KNL1: variants seen among roughly 807,000 people sequenced by gnomAD.
KNL1 encodes kinetochore scaffold 1.
Under a neutral mutation model 201.3 loss-of-function variants are expected in KNL1, and 66 were observed. That is an observed-to-expected ratio of 0.33 (90% confidence interval 0.27 to 0.40). The LOEUF (loss-of-function observed/expected upper bound fraction) is 0.40, where lower values mean the gene tolerates loss of function less well. Ranked by LOEUF, KNL1 falls within the 10% of genes least tolerant of loss-of-function variation. The pLI is 1.00. For synonymous variants in KNL1, 895 were observed against 899.2 expected (o/e 1.00, Z 0.08); for missense variants, 2,815 against 2,690.5 (o/e 1.05, Z -1.02).
In KNL1 at chr15:40,659,271, A is replaced by G. The variant is rs539889999; in HGVS notation, c.6714-68A>G. On this transcript the variant is annotated intron_variant, in intron 24 of 25. Coordinates refer to ENST00000399668, the MANE Select transcript of KNL1 (RefSeq NM_144508.5). ...AGAGCAAGACTCCGTCTCAAAAAAA[A>G]AAAAAAAGAAATTGTGTTTCATGCT... 6.5e-5 allele frequency: 97 copies of G among 1,494,792 alleles called. 1 individual carries two copies. In the African/African-American group the frequency reaches 1.1e-3, roughly 18 times the overall value. The allele number at this position is 1,494,792 out of a possible 1,614,324, so 92.6% of individuals were successfully genotyped here.
chr15:40,605,322 T>G (rs1891937900), intron 3 of KNL1, among the ~76,000 whole-genome samples, 173 bp downstream of exon 3: 2 of 152,200 alleles, frequency 1.3e-5, no homozygotes, highest in African/African-American at 4.8e-5. Context: ...TATACCAAAA[T>G]TCATACTTTA....
At chr15:40,631,084 C>T (rs1420547760) in intron 13 of KNL1, among the ~76,000 whole-genome samples, 1 of 152,038 alleles carries the variant, frequency 6.6e-6, no homozygotes, top group African/African-American at 2.4e-5. Flanking sequence ...CACCACTGCA[C>T]TCCAGCCTAG....
At chr15:40,601,275 C>G (rs1892476351) in intron 1 of KNL1, among the ~76,000 whole-genome samples, 1 of 152,174 alleles carries the variant, frequency 6.6e-6, no homozygotes, top group South Asian at 2.1e-4. Context: ...CATCCCGAAA[C>G]CATCCCCCAT....
chr15:40,619,546 T>G (rs1468746797), intron 9 of KNL1, among the ~76,000 whole-genome samples: 1 of 150,790 alleles, frequency 6.6e-6, no homozygotes. Context: ...GGACTACAGG[T>G]GCATGCCACC....
At chr15:40,632,538 C>T (rs1264028227) in intron 13 of KNL1, among the ~76,000 whole-genome samples, 1 of 151,720 alleles carries the variant, frequency 6.6e-6, no homozygotes. Flanking sequence ...ACAGGCAGAA[C>T]TTGCAAGGAG....
Position 40,625,241 on chromosome 15 carries a change from CAA to C in KNL1, c.4978_4979del (p.Lys1660GlufsTer4). 6.2e-7 allele frequency: 1 copy of C among 1,613,976 alleles called. No homozygotes were observed. The highest frequency in any genetic ancestry group is 1.1e-5 in the South Asian group (1 of 91,070). On this transcript the variant is annotated frameshift_variant, in exon 10 of 26. Transcript: ENST00000399668. LOFTEE classifies it high-confidence loss of function. ...LGIFLPRLPN[K>X]RNCSVTGIDD... ...GAATCTTTTTGCCTAGATTGCCCAA[CAA>C]GAGAAATTGTAGTGTCACTGGTATT...
rs774908921 is a variant in KNL1, at chr15:40,622,534, A to T, written c.2270A>T (p.Glu757Val). 6.2e-6 allele frequency: 10 copies of T among 1,613,998 alleles called. No individual in the cohort carries two copies. Among genetic ancestry groups the T allele is most frequent in the Middle Eastern group, 3.3e-4 (2 of 6,060 alleles). Residue 757 changes from glutamate to valine, a missense_variant, in exon 10 of 26, where the codon GAG becomes GTG. By Grantham distance (121) the Glu-to-Val change is moderately radical. Around this residue, in one of 3 missense-constraint regions of KNL1, gnomAD observed 2,464 missense variants for 2,291.7 expected, o/e 1.08. Coordinates refer to ENST00000399668, the MANE Select transcript of KNL1 (RefSeq NM_144508.5). ...YCHDKMIICSEEEQNMDLTKS... is the reference protein window; with the variant it reads ...YCHDKMIICSVEEQNMDLTKS... ...CATGACAAGATGATTATATGTTCAG[A>T]GGAAGAGCAAAATATGGATCTAACA...
rs1161383525 is a variant in KNL1 at position 40,624,913 on chromosome 15, A to T, written c.4649A>T (p.Asn1550Ile). ...GEAPDPVITS[N>I]VPCFHSIKPN... The stretch of plus-strand genomic sequence containing the variant: ...GCACCAGATCCTGTAATTACATCTA[A>T]TGTTCCATGTTTTCATAGTATCAAA... The change falls in exon 10 of 26, where the codon AAT (asparagine) becomes ATT (isoleucine). Residue 1550 changes from asparagine (N) to isoleucine (I), a missense_variant. Asn to Ile is a moderately radical substitution (Grantham distance 149). Transcript: ENST00000399668. 6.2e-7 allele frequency: 1 copy of T among 1,613,228 alleles called. No individual in the cohort carries two copies. The highest frequency in any genetic ancestry group is 2.2e-5 in the East Asian group (1 of 44,860).
At position 40,625,449 on chromosome 15, in the gene KNL1, A is replaced by G. The variant is rs751549603; in HGVS notation, c.5185A>G (p.Ile1729Val). The G allele has an allele frequency of 5.0e-6, 8 of 1,613,982 alleles. No homozygotes were observed. Among genetic ancestry groups the G allele is most frequent in the Non-Finnish European group, 5.9e-6 (7 of 1,179,912 alleles). ...TGATGAGATCAATTCTTCAGACTCT[A>G]TTAACATAGAAACTGAGGAAAAGGC... ...YPDEINSSDS[I>V]NIETEEKALI... Residue 1729 changes from isoleucine (I) to valine (V), a missense_variant, in exon 10 of 26, where the codon ATT (isoleucine) becomes GTT (valine). Transcript: ENST00000399668.
At chr15:40,605,403 T>C (rs1167402585) in intron 3 of KNL1, among the ~76,000 whole-genome samples, 2 of 152,214 alleles carry the variant, frequency 1.3e-5, no homozygotes, top group Non-Finnish European at 1.5e-5. Flanking sequence ...TTAAAAGATA[T>C]GTTTAACCTG....
At chr15:40,629,181 A>G in intron 12 of KNL1, 92 bp from the exon 13 acceptor site, 1 of 666,308 alleles carries the variant, frequency 1.5e-6, no homozygotes, top group East Asian at 3.0e-5. Context: ...AAATGTATAC[A>G]AGATACCTTA....
At position 40,624,475 on chromosome 15, in the gene KNL1, T is replaced by A; in HGVS notation, c.4211T>A (p.Leu1404Ter). 1 of 1,613,844 alleles carries A rather than the reference T, an allele frequency of 6.2e-7. No individual in the cohort carries two copies. The highest frequency in any genetic ancestry group is 1.1e-5 in the South Asian group (1 of 91,084). The change falls in exon 10 of 26, where the codon TTA (leucine) becomes TAA (stop). Residue 1404 changes from leucine to a stop codon, truncating the protein, a stop_gained. Coordinates refer to ENST00000399668, the MANE Select transcript of KNL1 (RefSeq NM_144508.5). LOFTEE classifies it high-confidence loss of function. ...DPRNLLANQT[L>*]VYSQDLGEMT... ...CGAAATCTATTGGCTAATCAAACTT[T>A]AGTATATAGTCAAGATCTGGGGGAG...
At chr15:40,655,761 A>G (rs1177152729) in intron 22 of KNL1, among the ~76,000 whole-genome samples, 1 of 150,440 alleles carries the variant, frequency 6.6e-6, no homozygotes, top group Non-Finnish European at 1.5e-5. Flanking sequence ...AAAAAATACA[A>G]AAAAATTAGC....
Position 40,625,083 on chromosome 15 carries a change from A to T in KNL1, c.4819A>T (p.Asn1607Tyr). 6.2e-7 allele frequency: 1 copy of T among 1,613,764 alleles called. No individual in the cohort carries two copies. Among genetic ancestry groups the T allele is most frequent in the South Asian group, 1.1e-5 (1 of 91,050 alleles). The change falls in exon 10 of 26, where the codon AAT becomes TAT. Residue 1607 changes from asparagine to tyrosine, a missense_variant. Physicochemically the swap from Asn to Tyr is moderately radical, Grantham distance 143. Coordinates refer to ENST00000399668, the MANE Select transcript of KNL1 (RefSeq NM_144508.5). ...MHIVQATEIH[N>Y]INIISSNAKD... ...TATAGTGCAAGCTACAGAAATACAT[A>T]ATATTAACATAATCTCCAGCAATGC...
Position 40,623,686 on chromosome 15 carries a change from T to C in KNL1, c.3422T>C (p.Leu1141Pro), listed in dbSNP as rs750397322. The C allele has an allele frequency of 3.1e-6, 5 of 1,613,834 alleles. No individual in the cohort carries two copies. Among genetic ancestry groups the C allele is most frequent in the Middle Eastern group, 1.6e-4 (1 of 6,084 alleles). ...SHTTALECKT[L>P]LPNEIAIRPM... The stretch of plus-strand genomic sequence containing the variant: ...ACAACTGCCTTAGAATGTAAAACTC[T>C]CCTGCCAAATGAAATAGCTATTAGG... The change falls in exon 10 of 26, where the codon CTC (leucine) becomes CCC (proline). Residue 1141 changes from leucine (L) to proline (P), a missense_variant. Coordinates refer to ENST00000399668, the MANE Select transcript of KNL1 (RefSeq NM_144508.5).
At position 40,615,171 on chromosome 15, in the gene KNL1, G is replaced by A. The variant is rs141343859; in HGVS notation, c.285-170G>A. Among the ~76,000 whole-genome samples, 991 of 152,138 alleles carry A rather than the reference G, an allele frequency of 6.5e-3. 8 individuals are homozygous for A. Among genetic ancestry groups the A allele is most frequent in the African/African-American group, 0.022 (929 of 41,522 alleles). On this transcript the variant is annotated intron_variant, in intron 7 of 25. Coordinates refer to ENST00000399668, the MANE Select transcript of KNL1 (RefSeq NM_144508.5). ...TAGATGAGTCTTTTTTTAAAAAGATGTCTTTATAATTTTCTGCATTAGATG... is the reference window on the plus strand; with the variant it reads ...TAGATGAGTCTTTTTTTAAAAAGATATCTTTATAATTTTCTGCATTAGATG...
chr15:40,629,282 G>A lies in KNL1; in HGVS notation c.5593G>A (p.Asp1865Asn). 6.3e-7 allele frequency: 1 copy of A among 1,581,460 alleles called. No homozygotes were observed. The highest frequency in any genetic ancestry group is 2.3e-5 in the East Asian group (1 of 43,604). ...CEESLREKLQ[D>N]GRITIREFFI... ...TTTTTTCTTTTCTCAGAAACTCCAA[G>A]ATGGGAGAATAACAATAAGGGAGTT... Residue 1865 changes from aspartate to asparagine, a missense_variant, in exon 13 of 26, where the codon GAT becomes AAT. Asp to Asn is a conservative substitution (Grantham distance 23, BLOSUM62 1). Around this residue, in one of 3 missense-constraint regions of KNL1, gnomAD observed 2,464 missense variants for 2,291.7 expected, o/e 1.08. Coordinates refer to ENST00000399668, the MANE Select transcript of KNL1 (RefSeq NM_144508.5).
At chr15:40,609,993 C>G (rs1053047067) in intron 5 of KNL1, among the ~76,000 whole-genome samples, 3 of 152,062 alleles carry the variant, frequency 2.0e-5, no homozygotes, top group African/African-American at 7.2e-5. Flanking sequence ...GAGCTGTGAT[C>G]GCACCACTGC....
chr15:40,621,501 C>G lies in KNL1; in HGVS notation c.1237C>G (p.Pro413Ala). Residue 413 changes from proline (P) to alanine (A), a missense_variant, in exon 10 of 26, where the codon CCA becomes GCA. Pro to Ala is a conservative substitution (Grantham distance 27). Around this residue, in one of 3 missense-constraint regions of KNL1, gnomAD observed 2,464 missense variants for 2,291.7 expected, o/e 1.08. Coordinates refer to ENST00000399668, the MANE Select transcript of KNL1 (RefSeq NM_144508.5). ...GGATGCCAGAATATTAGCCATGACC[C>G]CAGAATCTATATATTCTAATCCATC... Reference protein sequence around the residue: ...NQDARILAMTPESIYSNPSIQ... With the variant: ...NQDARILAMTAESIYSNPSIQ... 6.2e-7 allele frequency: 1 copy of G among 1,613,796 alleles called. No homozygotes were observed. Among genetic ancestry groups the G allele is most frequent in the Non-Finnish European group, 8.5e-7 (1 of 1,179,844 alleles).
Sources: gnomAD v4.1 joint callset for allele counts (sites outside exome capture counted in the v4.1 genomes callset) on GRCh38, gnomAD v4.1.1 for gene constraint, gnomAD v4.1.1 regional missense constraint, MANE v1.5 for transcripts, NCBI Gene and HGNC (gene_info 2026-07-23, HGNC 2026-07-21) for gene names.